Variants in RPS9 observed in about 807,000 individuals in gnomAD.
RPS9 encodes the protein small ribosomal subunit protein uS4.
A neutral mutation model predicts 16.9 loss-of-function variants in RPS9; 1 was observed. The observed-to-expected ratio is 0.06, with a 90% confidence interval of 0.02 to 0.28. The LOEUF (loss-of-function observed/expected upper bound fraction) is 0.28. Among genes scored for constraint, RPS9 ranks in the 10% least tolerant of loss-of-function variants. The pLI, the probability that RPS9 is intolerant of heterozygous loss-of-function variation, is 1.00. For missense variants in RPS9, 137 were observed against 273.2 expected (o/e 0.50, Z 3.51); for synonymous variants, 106 against 110.9 (o/e 0.96, Z 0.28).
rs1395920220 is a variant in RPS9 at position 54,207,405 on chromosome 19, A to ATGC, written c.415_416insTGC (p.Lys139delinsMetGln). ...CCTTGTCGCTGCTTCCAGGGTCCGC[A>ATGC]AGCAGGTGGTGAACATCCCGTCCTT... On this transcript the variant is annotated protein_altering_variant, in exon 5 of 5. Transcript: ENST00000302907. 2 of 1,610,886 alleles carry ATGC rather than the reference A, an allele frequency of 1.2e-6. No individual in the cohort carries two copies. The highest frequency in any genetic ancestry group is 1.7e-6 in the Non-Finnish European group (2 of 1,178,098).
At chr19:54,206,158 C>CTGTACTACTTG (rs2077233144) in intron 3 of RPS9, 118 bp from the exon 4 acceptor site, 1 of 962,562 alleles carries the variant, frequency 1.0e-6, no homozygotes, top group South Asian at 1.6e-5. Context: ...GGTGATGGCG[C>CTGTACTACTTG]TGTACTACTT....
chr19:54,207,411 G>T lies in RPS9; in HGVS notation c.421G>T (p.Val141Leu). The change falls in exon 5 of 5, where the codon GTG (valine) becomes TTG (leucine). Residue 141 changes from valine to leucine, a missense_variant. Transcript: ENST00000302907. ...RQRHIRVRKQVVNIPSFIVRL... is the reference protein window; with the variant it reads ...RQRHIRVRKQLVNIPSFIVRL... ...CGCTGCTTCCAGGGTCCGCAAGCAG[G>T]TGGTGAACATCCCGTCCTTCATTGT... 6.2e-7 allele frequency: 1 copy of T among 1,612,686 alleles called. No individual in the cohort carries two copies. The highest frequency in any genetic ancestry group is 1.7e-5 in the Admixed American group (1 of 59,924).
chr19:54,201,715 A>C, intron 3 of RPS9, 106 bp downstream of exon 3: 1 of 1,531,324 alleles, frequency 6.5e-7, no homozygotes, highest in Admixed American at 2.1e-5. Context: ...CATTGGATAA[A>C]TGGAACCAGC....
chr19:54,203,078 T>C (rs927883047), intron 3 of RPS9: 24 of 985,244 alleles, frequency 2.4e-5, no homozygotes, highest in Non-Finnish European at 2.9e-5. Flanking sequence ...TAGATACTGA[T>C]GCTGGGTGGG....
chr19:54,201,356 ACTCTAT>A lies in RPS9; in HGVS notation c.97+78_97+83del, dbSNP rs1320562741. The A allele has an allele frequency of 3.5e-5, 56 of 1,610,102 alleles. No individual in the cohort carries two copies. In the East Asian group the frequency reaches 1.2e-3, roughly 35 times the overall value. ...AGCACGTGGATGAAGGTGCCCATGT[ACTCTAT>A]CTAGTCCGTCCCCTAAATTTGGTAC... On this transcript the variant is annotated intron_variant, in intron 2 of 4. Coordinates refer to ENST00000302907, the MANE Select transcript of RPS9 (RefSeq NM_001013.4).
chr19:54,203,215 G>C (rs1294750209), intron 3 of RPS9: 8 of 953,386 alleles, frequency 8.4e-6, no homozygotes. Flanking sequence ...AGGTGTCTGA[G>C]GGTTATTTGT....
At chr19:54,204,131 G>A (rs1243376617) in intron 3 of RPS9, among the ~76,000 whole-genome samples, 1 of 152,172 alleles carries the variant, frequency 6.6e-6, no homozygotes, top group Non-Finnish European at 1.5e-5. Context: ...TGTAATCCCA[G>A]CACTTTGGGA....
intron 1 of RPS9, 32 bp from the exon 2 acceptor site, chr19:54,201,128 A>T: frequency 6.2e-7 from 1 of 1,610,986 alleles, no homozygotes; most frequent in Non-Finnish European, 8.5e-7. Context: ...CGCCGTTTGG[A>T]TCCCTTACGC....
At chr19:54,202,896 C>T (rs1301264398) in intron 3 of RPS9, 2 of 983,312 alleles carry the variant, frequency 2.0e-6, no homozygotes, top group Non-Finnish European at 1.2e-6. Flanking sequence ...CAGGATCTTG[C>T]AGTGTTGACC....
chr19:54,206,534 G>C (rs1356782333), intron 4 of RPS9, 72 bp downstream of exon 4: 2 of 1,593,334 alleles, frequency 1.3e-6, no homozygotes, highest in African/African-American at 1.3e-5. Context: ...TAAGCCTGCT[G>C]TCCCTATCTC....
intron 3 of RPS9, among the ~76,000 whole-genome samples, chr19:54,204,239 C>G (rs971006798): frequency 6.6e-6 from 1 of 152,070 alleles, no homozygotes; most frequent in South Asian, 2.1e-4. Context: ...ACAAAATTAG[C>G]GGGGCGTGGT....
At chr19:54,206,150 T>C in intron 3 of RPS9, 126 bp from the exon 4 acceptor site, 1 of 888,852 alleles carries the variant, frequency 1.1e-6, no homozygotes, top group Non-Finnish European at 1.7e-6. Flanking sequence ...TGGGTCACGG[T>C]GATGGCGCTG....
rs158366 is a variant in RPS9, at chr19:54,201,449, C to A, written c.98-38C>A. ...TGCCAGTCTAGTTGTTGTGCCAGTA[C>A]GTGGGACTACACTTGTCCACCCCCT... On this transcript the variant is annotated intron_variant, in intron 2 of 4. Transcript: ENST00000302907. The A allele has an allele frequency of 3.7e-6, 6 of 1,612,674 alleles. No individual in the cohort carries two copies. The African/African-American group carries it at 5.3e-5, about 14-fold the overall frequency.
At chr19:54,204,259 C>T (rs2077165284) in intron 3 of RPS9, among the ~76,000 whole-genome samples, 1 of 152,106 alleles carries the variant, frequency 6.6e-6, no homozygotes, top group Non-Finnish European at 1.5e-5. Context: ...TGGCGCATGC[C>T]TTTAATCCCA....
Position 54,201,558 on chromosome 19 carries a change from G to A in RPS9, c.169G>A (p.Ala57Thr), listed in dbSNP as rs758488045. ...KFTLAKIRKA[A>T]RELLTLDEKD... Reference sequence around the variant, plus strand: ...TACCCTGGCCAAGATCCGCAAGGCCGCCCGGGAACTGCTGACGCTTGATGA... The same window carrying A: ...TACCCTGGCCAAGATCCGCAAGGCCACCCGGGAACTGCTGACGCTTGATGA... Residue 57 changes from alanine to threonine, a missense_variant, in exon 3 of 5, where the codon GCC becomes ACC. Ala to Thr is a moderately conservative substitution (Grantham distance 58). Coordinates refer to ENST00000302907, the MANE Select transcript of RPS9 (RefSeq NM_001013.4). The A allele has an allele frequency of 3.1e-6, 5 of 1,614,006 alleles. No individual in the cohort carries two copies. The highest frequency in any genetic ancestry group is 4.2e-6 in the Non-Finnish European group (5 of 1,180,036).
chr19:54,201,747 TGTG>T (rs1166332457), intron 3 of RPS9, 138 bp downstream of exon 3: 4 of 1,464,928 alleles, frequency 2.7e-6, no homozygotes, highest in Non-Finnish European at 3.6e-6. Context: ...TAGTGGCACT[TGTG>T]GAGTAGGAAA....
At chr19:54,207,047 T>C (rs2077267162) in intron 4 of RPS9, 1 of 443,700 alleles carries the variant, frequency 2.3e-6, no homozygotes, top group Non-Finnish European at 4.0e-6. Context: ...GCATTGCTGC[T>C]GCACGTGGTA....
intron 3 of RPS9, among the ~76,000 whole-genome samples, chr19:54,203,779 CA>C (rs1555863503): frequency 1.7e-5 from 2 of 114,498 alleles, no homozygotes; most frequent in Admixed American, 9.5e-5. Flanking sequence ...ACTCCCCCCC[CA>C]CCCCCCAGCA....
intron 4 of RPS9, chr19:54,206,784 T>G: frequency 7.2e-7 from 1 of 1,386,108 alleles, no homozygotes; most frequent in African/African-American, 1.4e-5. Context: ...GCTTGGGTGG[T>G]GGGTTCAGCT....
Sources: allele counts gnomAD v4.1 joint callset (sites outside exome capture counted in the v4.1 genomes callset), GRCh38; gene constraint gnomAD v4.1.1; transcripts MANE v1.5; gene names NCBI Gene and HGNC (gene_info 2026-07-23, HGNC 2026-07-21).